Variants in HAT1 observed in about 807,000 individuals in gnomAD.
The protein encoded by HAT1 is histone acetyltransferase 1.
Under a neutral mutation model 56.6 loss-of-function variants are expected in HAT1, and 20 were observed. The observed-to-expected ratio is 0.35, with a 90% CI of 0.25 to 0.51. The LOEUF (loss-of-function observed/expected upper bound fraction) is 0.51. Among genes scored for constraint, HAT1 ranks in the 20% least tolerant of loss-of-function variants. The probability of loss-of-function intolerance (pLI) is 0.95; values close to 1 mark genes in which losing one functional copy is unlikely to be tolerated. For synonymous variants in HAT1, 146 were observed against 165.5 expected (o/e 0.88, Z 0.91); for missense variants, 408 against 504.3 (o/e 0.81, Z 1.83).
At chr2:171,966,587 A>G (rs1687688525) in intron 7 of HAT1, 74 bp downstream of exon 7, 2 of 778,388 alleles carry the variant, frequency 2.6e-6, no homozygotes, top group Admixed American at 3.7e-5. Context: ...AATACTTGTT[A>G]TAATAGTGTT....
intron 9 of HAT1, among the ~76,000 whole-genome samples, chr2:171,978,438 C>T (rs118077458): frequency 0.019 from 2,849 of 152,262 alleles, 59 homozygotes; most frequent in Admixed American, 0.068. Flanking sequence ...CCTTAACCAG[C>T]CTTATGGTTT....
In HAT1 at chr2:171,958,463, T is replaced by G. The variant is rs148611351; in HGVS notation, c.309+5462T>G. On this transcript the variant is annotated intron_variant, in intron 4 of 10. Coordinates refer to ENST00000264108, the MANE Select transcript of HAT1 (RefSeq NM_003642.4). ...AAAAAAATATTTTTTTAATTTTTAA[T>G]TTTTTGTAGAGACGGGGTCTTGCTA... Among the ~76,000 whole-genome samples the G allele has an allele frequency of 5.6e-4, 85 of 152,202 alleles. 1 individual carries two copies. The highest frequency in any genetic ancestry group is 2.0e-3 in the African/African-American group (83 of 41,516).
intron 4 of HAT1, 114 bp downstream of exon 4, chr2:171,953,115 G>A (rs1687348759): frequency 3.7e-6 from 2 of 538,390 alleles, no homozygotes; most frequent in African/African-American, 2.0e-5. Flanking sequence ...GGGACCAAGG[G>A]GGGCAGATCT....
chr2:171,977,783 T>G (rs1688026395), intron 9 of HAT1, among the ~76,000 whole-genome samples: 1 of 151,440 alleles, frequency 6.6e-6, no homozygotes, highest in Non-Finnish European at 1.5e-5. Flanking sequence ...TGTATTCCTT[T>G]ACATATTCTG....
Position 171,951,321 on chromosome 2 carries a change from G to A in HAT1, c.189-1560G>A, listed in dbSNP as rs1008942796. ...AAAATAAGAATATTTTCTCTTTGGA[G>A]TTCTATCTCTAAAGAGACATTGTTT... On this transcript the variant is annotated intron_variant, in intron 3 of 10. Transcript: ENST00000264108. 5.9e-5 allele frequency among the ~76,000 whole-genome samples: 9 copies of A among 152,256 alleles called. No homozygotes were observed. The South Asian group carries it at 1.9e-3, about 32-fold the overall frequency.
chr2:171,934,415 C>G (rs1012776897), intron 2 of HAT1, among the ~76,000 whole-genome samples: 1 of 152,122 alleles, frequency 6.6e-6, no homozygotes, highest in African/African-American at 2.4e-5. Flanking sequence ...TCTACCATAA[C>G]AAGATGAAGG....
At chr2:171,959,117 G>A (rs763459115) in intron 4 of HAT1, among the ~76,000 whole-genome samples, 4 of 152,140 alleles carry the variant, frequency 2.6e-5, no homozygotes, top group Non-Finnish European at 5.9e-5. Flanking sequence ...TTTTGAAATT[G>A]TGCAGATACA....
At chr2:171,923,955 T>C (rs980403613) in intron 1 of HAT1, 7 of 152,184 alleles carry the variant, frequency 4.6e-5, no homozygotes, top group African/African-American at 1.7e-4. Flanking sequence ...TCGAAGTAAA[T>C]TCTGTAATCT....
intron 1 of HAT1, chr2:171,924,016 T>G (rs1194118349): frequency 6.6e-6 from 1 of 152,208 alleles, no homozygotes; most frequent in Non-Finnish European, 1.5e-5. Context: ...TCTAGTTCCC[T>G]GAGCTTACTA....
chr2:171,952,902 G>T lies in HAT1; in HGVS notation c.210G>T (p.Lys70Asn). 2 of 1,587,678 alleles carry T rather than the reference G, an allele frequency of 1.3e-6. No homozygotes were observed. The highest frequency in any genetic ancestry group is 1.8e-5 in the Admixed American group (1 of 56,544). The change falls in exon 4 of 11, where the codon AAG (lysine) becomes AAT (asparagine). Residue 70 changes from lysine (K) to asparagine (N), a missense_variant. Transcript: ENST00000264108. ...FGDDETAFGY[K>N]GLKILLYYIA... ...TCAGTGAAACTGCTTTTGGTTACAAGGGTCTAAAGATCCTGTTATACTATA... is the reference window on the plus strand; with the variant it reads ...TCAGTGAAACTGCTTTTGGTTACAATGGTCTAAAGATCCTGTTATACTATA...
chr2:171,965,876 C>A lies in HAT1; in HGVS notation c.579C>A (p.Asp193Glu). ...TTATTGAAACTGCTAGCTTTATTGA[C>A]GTGGATGATGAAAGATGGCACTACT... ...MWFIETASFI[D>E]VDDERWHYFL... The change falls in exon 6 of 11, where the codon GAC (aspartate) becomes GAA (glutamate). Residue 193 changes from aspartate to glutamate, a missense_variant. Coordinates refer to ENST00000264108, the MANE Select transcript of HAT1 (RefSeq NM_003642.4). 1.2e-6 allele frequency: 2 copies of A among 1,612,600 alleles called. No homozygotes were observed. Among genetic ancestry groups the A allele is most frequent in the South Asian group, 2.2e-5 (2 of 91,028 alleles).
At chr2:171,982,193 C>T (rs1187389918) in intron 10 of HAT1, among the ~76,000 whole-genome samples, 4 of 152,086 alleles carry the variant, frequency 2.6e-5, no homozygotes, top group Non-Finnish European at 5.9e-5. Flanking sequence ...CCAGCCAGTT[C>T]ACCAGTCTAA....
chr2:171,945,160 C>G (rs756241361), intron 2 of HAT1, among the ~76,000 whole-genome samples: 2 of 152,038 alleles, frequency 1.3e-5, no homozygotes, highest in Non-Finnish European at 2.9e-5. Context: ...TGTGAGCCAC[C>G]GCGCCCAGCC....
At chr2:171,961,464 A>C (rs942230650) in intron 4 of HAT1, among the ~76,000 whole-genome samples, 5 of 152,182 alleles carry the variant, frequency 3.3e-5, no homozygotes, top group Admixed American at 1.3e-4. Flanking sequence ...TTAACTGTGA[A>C]TTTCAGTTAT....
chr2:171,958,335 A>T (rs1558973374), intron 4 of HAT1, among the ~76,000 whole-genome samples: 1 of 145,338 alleles, frequency 6.9e-6, no homozygotes, highest in Non-Finnish European at 1.5e-5. Context: ...CTCTCCCGTT[A>T]TTTTTTTTTT....
intron 2 of HAT1, among the ~76,000 whole-genome samples, chr2:171,938,063 TCTCTCTCTCTCTTTA>T (rs1686921201): frequency 7.0e-6 from 1 of 143,792 alleles, no homozygotes; most frequent in African/African-American, 2.6e-5. Context: ...TCTCTCTCTC[TCTCTCTCTCTCTTTA>T]AATGAACTGT....
At chr2:171,935,096 T>G (rs1686839297) in intron 2 of HAT1, among the ~76,000 whole-genome samples, 1 of 151,682 alleles carries the variant, frequency 6.6e-6, no homozygotes, top group Admixed American at 6.6e-5. Flanking sequence ...TGAAAAAAAT[T>G]AAGGCCAAGG....
chr2:171,922,544 CG>C (rs1686463552), intron 1 of HAT1, 37 bp downstream of exon 1: 1 of 1,311,348 alleles, frequency 7.6e-7, no homozygotes, highest in Non-Finnish European at 9.8e-7. Context: ...GGGGAGGAGG[CG>C]GCCAGATCGG....
At chr2:171,979,088 C>T (rs921918527) in intron 9 of HAT1, among the ~76,000 whole-genome samples, 159 bp from the exon 10 acceptor site, 6 of 152,160 alleles carry the variant, frequency 3.9e-5, no homozygotes, top group African/African-American at 7.2e-5. Flanking sequence ...TTGTGTTACC[C>T]ACTAGACTGC....
Sources: allele counts gnomAD v4.1 joint callset (sites outside exome capture counted in the v4.1 genomes callset), GRCh38; gene constraint gnomAD v4.1.1; transcripts MANE v1.5; gene names NCBI Gene and HGNC (gene_info 2026-07-23, HGNC 2026-07-21).